Variants in ANKRD44 observed in about 807,000 individuals in gnomAD.
ANKRD44 encodes the protein ankyrin repeat domain 44.
Under a neutral mutation model 116.0 loss-of-function variants are expected in ANKRD44, and 35 were observed. The ratio of observed to expected loss-of-function variants is 0.30; its 90% confidence interval spans 0.23 to 0.40. The LOEUF is 0.40. Ranked by LOEUF, ANKRD44 falls within the 10% of genes least tolerant of loss-of-function variation. The probability of loss-of-function intolerance (pLI) is 1.00; values close to 1 mark genes in which losing one functional copy is unlikely to be tolerated. For synonymous variants in ANKRD44, 435 were observed against 461.8 expected (o/e 0.94, Z 0.74); for missense variants, 1,014 against 1,242.6 (o/e 0.82, Z 2.77).
chr2:197,087,885 C>T (rs936258027), intron 12 of ANKRD44, among the ~76,000 whole-genome samples: 1 of 152,054 alleles, frequency 6.6e-6, no homozygotes, highest in Admixed American at 6.6e-5. Flanking sequence ...ATTATGAATA[C>T]AAATTTAGTT....
chr2:197,054,564 C>T (rs1448564051), intron 16 of ANKRD44, among the ~76,000 whole-genome samples: 1 of 152,208 alleles, frequency 6.6e-6, no homozygotes, highest in African/African-American at 2.4e-5. Context: ...TACCACTCAG[C>T]TAGTGAGGCT....
At chr2:197,220,332 A>G (rs1222903876) in intron 1 of ANKRD44, among the ~76,000 whole-genome samples, 1 of 152,274 alleles carries the variant, frequency 6.6e-6, no homozygotes, top group Non-Finnish European at 1.5e-5. Context: ...ATAAGGAGTT[A>G]GACTAGCCAC....
intron 17 of ANKRD44, among the ~76,000 whole-genome samples, chr2:197,023,935 T>C (rs1182027254): frequency 1.3e-5 from 2 of 152,226 alleles, no homozygotes; most frequent in Non-Finnish European, 2.9e-5. Flanking sequence ...CTGATTTCAC[T>C]GGACTCAAAA....
At chr2:197,216,083 C>T (rs79820111) in intron 1 of ANKRD44, among the ~76,000 whole-genome samples, 2,625 of 152,198 alleles carry the variant, frequency 0.017, 77 homozygotes, top group African/African-American at 0.058. Context: ...GCCCTGGATG[C>T]CTGTCTTAGT....
chr2:196,989,849 A>C, intron 27 of ANKRD44, 200 bp from the exon 28 acceptor site: 2 of 1,264,430 alleles, frequency 1.6e-6, no homozygotes. Context: ...AATGCTGATG[A>C]TTCTGATGTT....
chr2:197,147,163 T>G, intron 2 of ANKRD44, 58 bp from the exon 3 acceptor site: 12 of 1,463,726 alleles, frequency 8.2e-6, no homozygotes, highest in Non-Finnish European at 1.1e-5. Context: ...AGGTCCCTTT[T>G]GTAGACATAG....
At chr2:197,209,886 G>A (rs961199332) in intron 1 of ANKRD44, among the ~76,000 whole-genome samples, 2 of 152,222 alleles carry the variant, frequency 1.3e-5, no homozygotes, top group Non-Finnish European at 2.9e-5. Flanking sequence ...CTAACAGGGA[G>A]TGAAGATATG....
chr2:197,161,579 G>T (rs1490422760), intron 2 of ANKRD44, among the ~76,000 whole-genome samples: 1 of 152,062 alleles, frequency 6.6e-6, no homozygotes, highest in Non-Finnish European at 1.5e-5. Context: ...GAGGACACAG[G>T]GATATTGCAT....
At chr2:197,230,535 G>C (rs1454236452) in intron 1 of ANKRD44, among the ~76,000 whole-genome samples, 2 of 152,182 alleles carry the variant, frequency 1.3e-5, no homozygotes, top group Non-Finnish European at 2.9e-5. Flanking sequence ...GTTATGCCAT[G>C]TGTAGGTCAC....
intron 14 of ANKRD44, among the ~76,000 whole-genome samples, chr2:197,082,665 C>T (rs12464023): frequency 0.13 from 19,151 of 152,214 alleles, 1,419 homozygotes; most frequent in Non-Finnish European, 0.17. Context: ...ACCACTGACC[C>T]AGAATCAATT....
intron 15 of ANKRD44, among the ~76,000 whole-genome samples, chr2:197,080,659 C>T (rs1410221628): frequency 3.3e-5 from 5 of 152,214 alleles, no homozygotes; most frequent in Admixed American, 1.3e-4. Flanking sequence ...TTCCTGTCCT[C>T]ATCCCAATTA....
rs112381316 is a variant in ANKRD44, at chr2:197,212,563, A to G, written c.28-25457T>C. 2.3e-3 allele frequency among the ~76,000 whole-genome samples: 354 copies of G among 152,312 alleles called. 4 individuals are homozygous for G. Among genetic ancestry groups the G allele is most frequent in the African/African-American group, 7.4e-3 (308 of 41,570 alleles). ...GTAGGCCCTCAATAAATCTCTGCTCATGATTCATTCACATTCATTCAAAAT... is the reference window on the plus strand; with the variant it reads ...GTAGGCCCTCAATAAATCTCTGCTCGTGATTCATTCACATTCATTCAAAAT... On this transcript the variant is annotated intron_variant, in intron 1 of 27. Coordinates refer to ENST00000282272, the MANE Select transcript of ANKRD44 (RefSeq NM_001195144.2). This position sits in a 1 kb window ranked among gnomAD's most constrained non-coding sequence, Gnocchi z 4.8.
chr2:197,186,635 T>TTTTTTTTC (rs2080677234), intron 2 of ANKRD44, among the ~76,000 whole-genome samples: 1 of 111,980 alleles, frequency 8.9e-6, no homozygotes, highest in Non-Finnish European at 1.7e-5. Context: ...TTTTTTTTTT[T>TTTTTTTTC]TTTTTTTTTT....
At chr2:197,150,761 T>C (rs1435307597) in intron 2 of ANKRD44, among the ~76,000 whole-genome samples, 1 of 151,602 alleles carries the variant, frequency 6.6e-6, no homozygotes, top group Non-Finnish European at 1.5e-5. Flanking sequence ...GAACTTAGAG[T>C]GCAGGGATAG....
chr2:196,999,045 G>A lies in ANKRD44; in HGVS notation c.2527C>T (p.Leu843Phe), dbSNP rs777061879. The A allele has an allele frequency of 1.2e-5, 19 of 1,613,578 alleles. No individual in the cohort carries two copies. The highest frequency in any genetic ancestry group is 1.7e-5 in the Admixed American group (1 of 59,890). Residue 843 changes from leucine to phenylalanine, a missense_variant, in exon 24 of 28, where the codon CTT (leucine) becomes TTT (phenylalanine). Coordinates refer to ENST00000282272, the MANE Select transcript of ANKRD44 (RefSeq NM_001195144.2). ...SCRDDKGRTP[L>F]HAAAFADHVE... ...TGATCAGCAAATGCTGCCGCATGAA[G>A]GGGTGTCCTAAAGATTTAAAACAAG...
intron 21 of ANKRD44, among the ~76,000 whole-genome samples, chr2:196,973,200 G>A (rs2075727834): frequency 6.6e-6 from 1 of 152,040 alleles, no homozygotes; most frequent in South Asian, 2.1e-4. Context: ...TTGATGTTGA[G>A]ATTATAAAAT....
chr2:197,002,970 T>C (rs2076139415), intron 21 of ANKRD44, among the ~76,000 whole-genome samples: 1 of 152,306 alleles, frequency 6.6e-6, no homozygotes, highest in South Asian at 2.1e-4. Flanking sequence ...TAGGCAATAT[T>C]GCTTTTAGAC....
chr2:197,278,672 G>A (rs1017583102), intron 1 of ANKRD44, among the ~76,000 whole-genome samples: 15 of 152,164 alleles, frequency 9.9e-5, no homozygotes, highest in Non-Finnish European at 2.2e-4. Context: ...GGTAAAGATG[G>A]AGGCTCTTTA....
At chr2:197,253,977 C>T (rs2082379993) in intron 1 of ANKRD44, among the ~76,000 whole-genome samples, 1 of 152,200 alleles carries the variant, frequency 6.6e-6, no homozygotes, top group African/African-American at 2.4e-5. Context: ...TTTCTTAGCC[C>T]AGCCACCCAC....
Sources: gnomAD v4.1 joint callset for allele counts (sites outside exome capture counted in the v4.1 genomes callset) on GRCh38, gnomAD v4.1.1 for gene constraint, Gnocchi (gnomAD v3.1) non-coding constraint, MANE v1.5 for transcripts, NCBI Gene and HGNC (gene_info 2026-07-23, HGNC 2026-07-21) for gene names.